CTHRC1: variants seen among roughly 807,000 people sequenced by gnomAD.
CTHRC1 encodes the protein collagen triple helix repeat containing 1.
Under a neutral mutation model 25.9 loss-of-function variants are expected in CTHRC1, and 21 were observed. The ratio of observed to expected loss-of-function variants is 0.81; its 90% CI spans 0.57 to 1.17. CTHRC1 has a LOEUF of 1.17. Among genes scored for constraint, CTHRC1 ranks in the 50% most tolerant of loss-of-function variants. The pLI, the probability that CTHRC1 is intolerant of heterozygous loss-of-function variation, is 0.00. For synonymous variants in CTHRC1, 109 were observed against 113.1 expected (o/e 0.96, Z 0.23); for missense variants, 281 against 304.3 (o/e 0.92, Z 0.57).
rs927379754 is a variant in CTHRC1 at position 103,382,611 on chromosome 8, T to C, written c.*11T>C. ...GAACTACCAAAATAAATGCTTTAAT[T>C]TTCATTTGCTACCTCTTTTTTTATT... On this transcript the variant is annotated 3_prime_UTR_variant, in exon 4 of 4. Transcript: ENST00000330295. 6.2e-7 allele frequency: 1 copy of C among 1,605,300 alleles called. No homozygotes were observed. Among genetic ancestry groups the C allele is most frequent in the Non-Finnish European group, 8.5e-7 (1 of 1,172,268 alleles).
rs575106689 is a variant in CTHRC1, at chr8:103,371,741, A to T, written c.85A>T (p.Ser29Cys). ...GCTGCTGCAGCTGCCCGCGCCGTCG[A>T]GCGCCTCTGAGATCCCCAAGGGGAA... is the stretch of plus-strand genomic sequence containing the variant. ...LLLLQLPAPS[S>C]ASEIPKGKQK... Residue 29 changes from serine to cysteine, a missense_variant, in exon 1 of 4, where the codon AGC becomes TGC. Physicochemically the swap from Ser to Cys is moderately radical, Grantham distance 112 (BLOSUM62 -1). Transcript: ENST00000330295. 1 of 1,535,486 alleles carries T rather than the reference A, an allele frequency of 6.5e-7. No homozygotes were observed. The highest frequency in any genetic ancestry group is 1.2e-5 in the South Asian group (1 of 82,462).
chr8:103,376,175 A>T, intron 2 of CTHRC1: 1 of 608,480 alleles, frequency 1.6e-6, no homozygotes. Context: ...TTTTAACCAT[A>T]GTATCTAAAA....
At chr8:103,374,739 G>A (rs1359637676) in intron 1 of CTHRC1, among the ~76,000 whole-genome samples, 1 of 152,142 alleles carries the variant, frequency 6.6e-6, no homozygotes, top group Non-Finnish European at 1.5e-5. Flanking sequence ...TGTGTTCCAG[G>A]CATTGTTCTA....
Position 103,382,517 on chromosome 8 carries a change from A to C in CTHRC1, c.649A>C (p.Thr217Pro). 1 of 1,613,434 alleles carries C rather than the reference A, an allele frequency of 6.2e-7. No individual in the cohort carries two copies. The highest frequency in any genetic ancestry group is 8.5e-7 in the Non-Finnish European group (1 of 1,179,438). Residue 217 changes from threonine (T) to proline (P), a missense_variant, in exon 4 of 4, where the codon ACT (threonine) becomes CCT (proline). Physicochemically the swap from Thr to Pro is conservative, Grantham distance 38. Coordinates refer to ENST00000330295, the MANE Select transcript of CTHRC1 (RefSeq NM_138455.4). ...GLVDVAIWVGTCSDYPKGDAS... is the reference protein window; with the variant it reads ...GLVDVAIWVGPCSDYPKGDAS... ...AGTGGATGTTGCTATCTGGGTTGGT[A>C]CTTGTTCAGATTACCCAAAAGGAGA...
Position 103,378,166 on chromosome 8 carries a change from C to A in CTHRC1, c.512C>A (p.Pro171His). 6.2e-7 allele frequency: 1 copy of A among 1,614,110 alleles called. No homozygotes were observed. The highest frequency in any genetic ancestry group is 8.5e-7 in the Non-Finnish European group (1 of 1,180,000). The change falls in exon 3 of 4, where the codon CCC becomes CAC. Residue 171 changes from proline to histidine, a missense_variant. By Grantham distance (77) the Pro-to-His change is moderately conservative. Transcript: ENST00000330295. ...GGAGCTGAATGTTCAGGACCTCTTC[C>A]CATTGAAGCTATAATTTATTTGGAC... ...FNGAECSGPL[P>H]IEAIIYLDQG...
intron 1 of CTHRC1, chr8:103,372,791 C>A: frequency 1.6e-6 from 1 of 610,126 alleles, no homozygotes. Flanking sequence ...ACTTCAGTCT[C>A]ACTTGCAGAC....
chr8:103,375,594 C>T, intron 1 of CTHRC1, 144 bp from the exon 2 acceptor site: 2 of 722,010 alleles, frequency 2.8e-6, no homozygotes, highest in Non-Finnish European at 5.0e-6. Context: ...AATGAATTCT[C>T]TGTAATAACT....
At chr8:103,374,497 GAC>G (rs549658777) in intron 1 of CTHRC1, among the ~76,000 whole-genome samples, 276 of 152,294 alleles carry the variant, frequency 1.8e-3, no homozygotes, top group African/African-American at 6.4e-3. Context: ...TTCAGGTGTA[GAC>G]ACAGGAATTA....
chr8:103,373,784 G>A (rs1815755825), intron 1 of CTHRC1, among the ~76,000 whole-genome samples: 2 of 149,964 alleles, frequency 1.3e-5, no homozygotes, highest in Admixed American at 6.7e-5. Flanking sequence ...GGACAAAATT[G>A]TCCCCAGTTG....
In CTHRC1 at chr8:103,371,790, G is replaced by A. The variant is rs1209214601; in HGVS notation, c.134G>A (p.Arg45Lys). Residue 45 changes from arginine (R) to lysine (K), a missense_variant, in exon 1 of 4, where the codon AGG (arginine) becomes AAG (lysine). By Grantham distance (26) the Arg-to-Lys change is conservative. Transcript: ENST00000330295. ...KGKQKAQLRQ[R>K]EVVDLYNGMC... Reference sequence around the variant, plus strand: ...AAGCAAAAGGCGCAGCTCCGGCAGAGGGAGGTGGTGGACCTGGTGAGTCCG... The same window carrying A: ...AAGCAAAAGGCGCAGCTCCGGCAGAAGGAGGTGGTGGACCTGGTGAGTCCG... 9.1e-6 allele frequency: 14 copies of A among 1,532,056 alleles called. No homozygotes were observed. Among genetic ancestry groups the A allele is most frequent in the East Asian group, 2.5e-5 (1 of 39,268 alleles). The allele number at this position is 1,532,056 out of a possible 1,614,324, so 94.9% of individuals were successfully genotyped here.
In CTHRC1 at chr8:103,371,621, C is replaced by A; in HGVS notation, c.-36C>A. 1 of 1,527,732 alleles carries A rather than the reference C, an allele frequency of 6.5e-7. No individual in the cohort carries two copies. Among genetic ancestry groups the A allele is most frequent in the Non-Finnish European group, 8.8e-7 (1 of 1,139,160 alleles). 94.6% of individuals were successfully genotyped at this position (1,527,732 alleles called of 1,614,324 possible). On this transcript the variant is annotated 5_prime_UTR_variant, in exon 1 of 4. Coordinates refer to ENST00000330295, the MANE Select transcript of CTHRC1 (RefSeq NM_138455.4). ...CCACGTTCCTCTCCTCGGTCTCCTC[C>A]GCCTCCAGCTCCGCGCTGCCCGGCA...
chr8:103,372,448 G>T, intron 1 of CTHRC1: 5 of 1,539,798 alleles, frequency 3.2e-6, no homozygotes, highest in Non-Finnish European at 4.3e-6. Flanking sequence ...GTTTAAGGCC[G>T]GAAAGGGAAA....
At chr8:103,373,479 A>C (rs1319369126) in intron 1 of CTHRC1, among the ~76,000 whole-genome samples, 1 of 151,510 alleles carries the variant, frequency 6.6e-6, no homozygotes, top group Non-Finnish European at 1.5e-5. Flanking sequence ...TATTGAGAGT[A>C]CTAAGCATAT....
intron 1 of CTHRC1, chr8:103,372,729 C>T: frequency 1.5e-6 from 2 of 1,337,732 alleles, no homozygotes; most frequent in Non-Finnish European, 2.1e-6. Flanking sequence ...GTTCTCTGGC[C>T]TGTGGTATGA....
intron 3 of CTHRC1, 24 bp from the exon 4 acceptor site, chr8:103,382,434 G>A (rs1815929635): frequency 1.9e-6 from 3 of 1,613,036 alleles, no homozygotes; most frequent in Admixed American, 1.7e-5. Flanking sequence ...AAAGAAAGAT[G>A]TAACTTTCAT....
intron 3 of CTHRC1, 114 bp downstream of exon 3, chr8:103,378,357 T>G: frequency 1.3e-6 from 1 of 796,354 alleles, no homozygotes; most frequent in South Asian, 1.4e-5. Flanking sequence ...TAGCAAGTTT[T>G]CAATGCATGA....
rs568222151 is a variant in CTHRC1, at chr8:103,381,929, C to T, written c.590-529C>T. Among the ~76,000 whole-genome samples the T allele has an allele frequency of 1.8e-3, 270 of 151,508 alleles. 2 individuals are homozygous for T. Among genetic ancestry groups the T allele is most frequent in the African/African-American group, 6.2e-3 (256 of 41,252 alleles). ...AGGAAAATTGCTTGAACGTGGGAAG[C>T]GGAGGTTGCGGTGCACTGAGATTGC... is the stretch of plus-strand genomic sequence containing the variant. On this transcript the variant is annotated intron_variant, in intron 3 of 3. Coordinates refer to ENST00000330295, the MANE Select transcript of CTHRC1 (RefSeq NM_138455.4).
In CTHRC1 at chr8:103,371,544, C is replaced by G; in HGVS notation, c.-113C>G. On this transcript the variant is annotated 5_prime_UTR_variant, in exon 1 of 4. Transcript: ENST00000330295. The stretch of plus-strand genomic sequence containing the variant: ...GGGAGAGAGGCGCGCGGGTGAAAGG[C>G]GCATTGATGCAGCCTGCGGCGGCCT... 2 of 1,150,600 alleles carry G rather than the reference C, an allele frequency of 1.7e-6. No individual in the cohort carries two copies. Among genetic ancestry groups the G allele is most frequent in the Non-Finnish European group, 2.4e-6 (2 of 826,250 alleles). 71.3% of individuals were successfully genotyped at this position (1,150,600 alleles called of 1,614,324 possible). A position where few individuals can be genotyped will look rare whatever the true frequency, so the allele number is the denominator to read the frequency against.
chr8:103,371,881 G>C (rs1164866038), intron 1 of CTHRC1, 75 bp downstream of exon 1: 9 of 1,393,282 alleles, frequency 6.5e-6, no homozygotes, highest in Non-Finnish European at 4.8e-6. Context: ...CGGGCAGGGC[G>C]TCAGTCTGGC....
Sources: allele counts gnomAD v4.1 joint callset (sites outside exome capture counted in the v4.1 genomes callset), GRCh38; gene constraint gnomAD v4.1.1; transcripts MANE v1.5; gene names NCBI Gene and HGNC (gene_info 2026-07-23, HGNC 2026-07-21).